Variants in ARB2A observed in about 807,000 individuals in gnomAD.
The protein encoded by ARB2A is ARB2 cotranscriptional regulator A.
chr5:93,756,084 G>A, the ARB2A span, among the ~76,000 whole-genome samples: 34 of 152,208 alleles, frequency 2.2e-4, 1 homozygote, highest in African/African-American at 8.2e-4. Context: ...GGAGCTGGGC[G>A]AGGCCTGTGA....
chr5:93,699,146 A>G, the ARB2A span, among the ~76,000 whole-genome samples: 1 of 152,324 alleles, frequency 6.6e-6, no homozygotes, highest in South Asian at 2.1e-4. Flanking sequence ...CAACTTGACA[A>G]TAGATACAGA....
At chr5:93,656,537 C>T in the ARB2A span, among the ~76,000 whole-genome samples, 1 of 152,098 alleles carries the variant, frequency 6.6e-6, no homozygotes, top group Non-Finnish European at 1.5e-5. Context: ...TATCTCTATT[C>T]CATGGAAATA....
the ARB2A span, among the ~76,000 whole-genome samples, chr5:93,919,390 A>G: frequency 2.6e-5 from 4 of 152,150 alleles, no homozygotes; most frequent in African/African-American, 7.2e-5. Flanking sequence ...TTTTTTAAAT[A>G]GTGTATTATT....
the ARB2A span, among the ~76,000 whole-genome samples, chr5:93,661,762 C>T: frequency 6.6e-6 from 1 of 152,072 alleles, no homozygotes; most frequent in East Asian, 1.9e-4. Flanking sequence ...GAAAAGCTTG[C>T]TCTAGAGGAA....
chr5:93,655,839 C>T, the ARB2A span, among the ~76,000 whole-genome samples: 1 of 152,210 alleles, frequency 6.6e-6, no homozygotes, highest in African/African-American at 2.4e-5. Flanking sequence ...AGCCACCTTT[C>T]CTACTTCCTC....
chr5:93,776,675 G>A, the ARB2A span, among the ~76,000 whole-genome samples: 2 of 152,160 alleles, frequency 1.3e-5, no homozygotes, highest in South Asian at 2.1e-4. Context: ...TTACTTGGGA[G>A]GCTGAGGCAG....
the ARB2A span, among the ~76,000 whole-genome samples, chr5:94,094,249 G>A: frequency 6.6e-6 from 1 of 152,252 alleles, no homozygotes; most frequent in East Asian, 1.9e-4. Context: ...GGTCCAGCAG[G>A]GTTGGTTGGT....
the ARB2A span, among the ~76,000 whole-genome samples, chr5:93,912,613 G>C: frequency 6.6e-6 from 1 of 151,374 alleles, no homozygotes; most frequent in African/African-American, 2.4e-5. Flanking sequence ...CCCAAAAAAG[G>C]CATATTCCCA....
chr5:94,080,270 G>C, the ARB2A span, among the ~76,000 whole-genome samples: 1 of 151,978 alleles, frequency 6.6e-6, no homozygotes. Context: ...TAATTCTATA[G>C]TAAAAATAAA....
the ARB2A span, among the ~76,000 whole-genome samples, chr5:93,858,371 G>A: frequency 1.3e-5 from 2 of 152,166 alleles, no homozygotes; most frequent in Admixed American, 6.5e-5. Context: ...TGTCAGTTAG[G>A]GTTCCAGAAA....
chr5:94,016,664 ATGC>A, the ARB2A span, among the ~76,000 whole-genome samples: 1 of 152,226 alleles, frequency 6.6e-6, no homozygotes, highest in Non-Finnish European at 1.5e-5. Context: ...ATGATGAGAA[ATGC>A]AATTAAGGGA....
chr5:93,783,599 C>A, the ARB2A span, among the ~76,000 whole-genome samples: 1 of 152,054 alleles, frequency 6.6e-6, no homozygotes, highest in South Asian at 2.1e-4. Flanking sequence ...TCAGCTCATT[C>A]ATACTATATA....
the ARB2A span, among the ~76,000 whole-genome samples, chr5:93,869,270 T>G: frequency 6.6e-6 from 1 of 151,950 alleles, no homozygotes; most frequent in Non-Finnish European, 1.5e-5. Flanking sequence ...AAGAAGTGGG[T>G]GAAGGTTGTG....
At chr5:93,622,892 A>G in the ARB2A span, among the ~76,000 whole-genome samples, 2 of 152,218 alleles carry the variant, frequency 1.3e-5, no homozygotes, top group Non-Finnish European at 2.9e-5. Flanking sequence ...AATAGGTGTT[A>G]TAATACATAA....
chr5:93,841,058 T>C, the ARB2A span, among the ~76,000 whole-genome samples: 3 of 152,120 alleles, frequency 2.0e-5, no homozygotes, highest in Non-Finnish European at 4.4e-5. Context: ...TCCATCAAAG[T>C]AAACATTGAC....
At chr5:93,805,471 C>T in the ARB2A span, 1 of 985,004 alleles carries the variant, frequency 1.0e-6, no homozygotes, top group Admixed American at 6.2e-5. Context: ...CACCATTCCC[C>T]TGCACAGAAG....
chr5:93,758,399 T>A, the ARB2A span, among the ~76,000 whole-genome samples: 53 of 152,154 alleles, frequency 3.5e-4, no homozygotes, highest in African/African-American at 1.3e-3. Context: ...CAAATGGACT[T>A]ATCAGATATA....
chr5:93,680,206 A>G, the ARB2A span, among the ~76,000 whole-genome samples: 4 of 152,150 alleles, frequency 2.6e-5, no homozygotes, highest in African/African-American at 7.2e-5. Flanking sequence ...GTTCAGGAAT[A>G]CTGTTTAAGT....
At chr5:93,748,185 A>T in the ARB2A span, among the ~76,000 whole-genome samples, 1 of 152,156 alleles carries the variant, frequency 6.6e-6, no homozygotes, top group Non-Finnish European at 1.5e-5. Flanking sequence ...GTTCTACGGC[A>T]GGTGTCATTT....
Sources: allele counts gnomAD v4.1 joint callset (sites outside exome capture counted in the v4.1 genomes callset), GRCh38; gene constraint gnomAD v4.1.1; transcripts MANE v1.5; gene names NCBI Gene and HGNC (gene_info 2026-07-23, HGNC 2026-07-21).